The following PCDH11X variants were observed in gnomAD, a reference collection of about 807,000 sequenced individuals.
PCDH11X encodes the protein protocadherin-11 X-linked.
A neutral mutation model predicts 53.3 loss-of-function variants in PCDH11X; 18 were observed. The ratio of observed to expected loss-of-function variants is 0.34; its 90% CI spans 0.23 to 0.50. PCDH11X has a LOEUF of 0.50. Ranked by LOEUF, PCDH11X falls within the 20% of genes least tolerant of loss-of-function variation. The probability of loss-of-function intolerance (pLI) is 0.98; values close to 1 mark genes in which losing one functional copy is unlikely to be tolerated. For synonymous variants in PCDH11X, 279 were observed against 393.3 expected, an observed-to-expected ratio of 0.71 and a Z score of 3.44; for missense variants, 570 against 1,032.4, an observed-to-expected ratio of 0.55 and a Z score of 6.14.
chrX:92,206,010 C>A (rs2066469902), intron 7 of PCDH11X, among the ~76,000 whole-genome samples: 1 of 112,134 alleles, frequency 8.9e-6, no homozygotes, highest in Non-Finnish European at 1.9e-5. Flanking sequence ...ATTCTTTTGT[C>A]TGTTAACAAA....
At chrX:92,134,338 C>T (rs1337644361) in intron 6 of PCDH11X, among the ~76,000 whole-genome samples, 4 of 110,667 alleles carry the variant, frequency 3.6e-5, no homozygotes, top group Admixed American at 1.9e-4. Context: ...GAATGGGAGG[C>T]AGGTTTGCCT....
At chrX:92,352,797 A>G (rs1406118956) in intron 8 of PCDH11X, among the ~76,000 whole-genome samples, 8 of 111,658 alleles carry the variant, frequency 7.2e-5, no homozygotes, top group Admixed American at 2.9e-4. Flanking sequence ...GTCTGCACAG[A>G]CAGAGTCCTG....
At chrX:92,088,367 T>C (rs1457556603) in intron 6 of PCDH11X, among the ~76,000 whole-genome samples, 2 of 111,506 alleles carry the variant, frequency 1.8e-5, no homozygotes, top group African/African-American at 6.5e-5. Context: ...ATTAGATTTT[T>C]TTTTCCTTTA....
chrX:92,506,254 C>T (rs1287626594), intron 10 of PCDH11X, among the ~76,000 whole-genome samples: 1 of 68,194 alleles, frequency 1.5e-5, no homozygotes, highest in East Asian at 4.8e-4. Flanking sequence ...ATTGCTCTGG[C>T]TAGGACTTCC....
chrX:92,243,273 A>T (rs1409275889), intron 7 of PCDH11X, among the ~76,000 whole-genome samples: 1 of 112,012 alleles, frequency 8.9e-6, no homozygotes, highest in African/African-American at 3.2e-5. Flanking sequence ...TTTTAAATTA[A>T]TTTTTGTGTA....
intron 6 of PCDH11X, among the ~76,000 whole-genome samples, chrX:92,112,800 C>A (rs1186274591): frequency 9.2e-6 from 1 of 108,338 alleles, no homozygotes; most frequent in Non-Finnish European, 1.9e-5. Context: ...TAAAGTTGAT[C>A]ATTTGAAGCT....
chrX:91,989,851 T>A lies in PCDH11X; in HGVS notation c.3033+110578T>A, dbSNP rs1054529826. On this transcript the variant is annotated intron_variant, in intron 6 of 10. Transcript: ENST00000682573. Reference sequence around the variant, plus strand: ...GATTTGTAAATTTTTCATCTATTATTTCTTCAGATACCTTTTTAGCCCTAC... The same window carrying A: ...GATTTGTAAATTTTTCATCTATTATATCTTCAGATACCTTTTTAGCCCTAC... Among the ~76,000 whole-genome samples, 4 of 110,182 alleles carry A rather than the reference T, an allele frequency of 3.6e-5. 1 individual carries two copies. The highest frequency in any genetic ancestry group is 7.6e-5 in the Non-Finnish European group (4 of 52,759).
In PCDH11X at chrX:92,127,451, C is replaced by T. The variant is rs35386586; in HGVS notation, c.3034-73924C>T. Among the ~76,000 whole-genome samples, 603 of 109,844 alleles carry T rather than the reference C, an allele frequency of 5.5e-3. 4 individuals carry two copies. The highest frequency in any genetic ancestry group is 0.019 in the African/African-American group (573 of 30,230). On this transcript the variant is annotated intron_variant, in intron 6 of 10. Coordinates refer to ENST00000682573, the MANE Select transcript of PCDH11X (RefSeq NM_032968.5). Reference sequence around the variant, plus strand: ...GCAGTCTTAAATCCTTTTTGAAATTCGTCAGGGTTTAAATAAATAATTTAA... The same window carrying T: ...GCAGTCTTAAATCCTTTTTGAAATTTGTCAGGGTTTAAATAAATAATTTAA...
At chrX:91,834,443 C>T (rs1202608760) in intron 4 of PCDH11X, among the ~76,000 whole-genome samples, 1 of 107,925 alleles carries the variant, frequency 9.3e-6, no homozygotes, top group Non-Finnish European at 1.9e-5. Context: ...TTTTTAAATG[C>T]CTTTCTTATT....
At chrX:91,908,435 C>T (rs939631935) in intron 6 of PCDH11X, among the ~76,000 whole-genome samples, 74 of 111,891 alleles carry the variant, frequency 6.6e-4, no homozygotes, top group African/African-American at 2.4e-3. Context: ...AATATCTCAA[C>T]ATCACTGATC....
chrX:92,447,916 G>A lies in PCDH11X; in HGVS notation c.3344-20383G>A, dbSNP rs1001572203. On this transcript the variant is annotated intron_variant, in intron 9 of 10. Transcript: ENST00000682573. The stretch of plus-strand genomic sequence containing the variant: ...CCCACTTCTTGCATCAGCATGACCC[G>A]GAAGTGAGACATGGAGTCAAAGGAG... Among the ~76,000 whole-genome samples the A allele has an allele frequency of 2.7e-4, 30 of 111,341 alleles. 1 individual carries two copies. Among genetic ancestry groups the A allele is most frequent in the South Asian group, 2.3e-3 (6 of 2,613 alleles).
chrX:92,577,900 A>G (rs1241489968), intron 10 of PCDH11X, among the ~76,000 whole-genome samples: 1 of 106,753 alleles, frequency 9.4e-6, no homozygotes, highest in East Asian at 2.9e-4. Flanking sequence ...GGTCTGAGAG[A>G]TTGTTTATTA....
intron 7 of PCDH11X, among the ~76,000 whole-genome samples, chrX:92,240,221 G>C (rs1318220744): frequency 9.0e-6 from 1 of 111,456 alleles, no homozygotes; most frequent in East Asian, 2.8e-4. Context: ...TGATGTTGGA[G>C]GACAGTGGTC....
chrX:92,200,073 T>C (rs1465910245), intron 6 of PCDH11X, among the ~76,000 whole-genome samples: 1 of 111,917 alleles, frequency 8.9e-6, no homozygotes, highest in Non-Finnish European at 1.9e-5. Context: ...TGTCTTCTTT[T>C]ATGAAATGCC....
intron 6 of PCDH11X, among the ~76,000 whole-genome samples, chrX:91,957,690 C>T (rs1335746253): frequency 9.1e-6 from 1 of 110,491 alleles, no homozygotes. Flanking sequence ...CTACATGCAC[C>T]TGTAGGAGGA....
At position 91,878,763 on chromosome X, in the gene PCDH11X, C is replaced by A; in HGVS notation, c.2523C>A (p.His841Gln). ...TAVVRCRQAPHLKAAQKNKQN... is the reference protein window; with the variant it reads ...TAVVRCRQAPQLKAAQKNKQN... ...TAGTAAGATGTCGCCAGGCACCACA[C>A]CTTAAGGCTGCTCAGAAAAACAAGC... The change falls in exon 6 of 11, where the codon CAC becomes CAA. Residue 841 changes from histidine to glutamine, a missense_variant. Physicochemically the swap from His to Gln is conservative, Grantham distance 24. Transcript: ENST00000682573. 2 of 1,210,868 alleles carry A rather than the reference C, an allele frequency of 1.7e-6. No homozygotes were observed. Among genetic ancestry groups the A allele is most frequent in the Admixed American group, 2.2e-5 (1 of 45,893 alleles).
chrX:92,311,268 A>G (rs1233101896), intron 8 of PCDH11X, among the ~76,000 whole-genome samples: 1 of 109,636 alleles, frequency 9.1e-6, no homozygotes, highest in Non-Finnish European at 1.9e-5. Flanking sequence ...CCTTGAATCC[A>G]TTTTGACATA....
intron 6 of PCDH11X, among the ~76,000 whole-genome samples, chrX:92,147,827 C>CTTTCTTTCTT (rs1245108549): frequency 6.6e-5 from 6 of 91,351 alleles, no homozygotes; most frequent in Admixed American, 3.6e-4. Flanking sequence ...TTCTTTCTTT[C>CTTTCTTTCTT]TTTCTTTCTT....
intron 8 of PCDH11X, among the ~76,000 whole-genome samples, chrX:92,341,983 C>T (rs1447627730): frequency 9.0e-6 from 1 of 111,422 alleles, no homozygotes; most frequent in Non-Finnish European, 1.9e-5. Context: ...ACTTAAACAA[C>T]TCAAGAAGCA....
Sources: gnomAD v4.1 joint callset for allele counts (sites outside exome capture counted in the v4.1 genomes callset) on GRCh38, gnomAD v4.1.1 for gene constraint, MANE v1.5 for transcripts, NCBI Gene and HGNC (gene_info 2026-07-23, HGNC 2026-07-21) for gene names.